Variants in GDAP2 observed in about 807,000 individuals in gnomAD.
The protein encoded by GDAP2 is ganglioside-induced differentiation-associated protein 2.
In GDAP2, 51 loss-of-function variants were observed where a neutral mutation model predicts 67.0. The ratio of observed to expected loss-of-function variants is 0.76; its 90% CI spans 0.61 to 0.96. GDAP2 has a LOEUF of 0.96. GDAP2 is among the 40% of genes least tolerant of loss of function. The pLI is 0.00. For synonymous variants in GDAP2, 203 were observed against 207.3 expected, an observed-to-expected ratio of 0.98 and a Z score of 0.18; for missense variants, 547 against 588.3, an observed-to-expected ratio of 0.93 and a Z score of 0.73.
In GDAP2 at chr1:117,867,316, CATCT is replaced by C. The variant is rs1358465152; in HGVS notation, c.*3249_*3252del. On this transcript the variant is annotated 3_prime_UTR_variant, in exon 14 of 14. Transcript: ENST00000369443. ...TTTCAGAAATTTGATTAAAAAACTA[CATCT>C]ATTTTTCCTACCAAAAATACTCAAA... The C allele has an allele frequency of 6.6e-6, 1 of 152,024 alleles. No homozygotes were observed. The highest frequency in any genetic ancestry group is 1.5e-5 in the Non-Finnish European group (1 of 68,004). The allele number at this position is 152,024 out of a possible 1,614,324, so 9.4% of individuals were successfully genotyped here.
intron 13 of GDAP2, among the ~76,000 whole-genome samples, chr1:117,871,242 G>C (rs960394039): frequency 6.6e-5 from 10 of 152,164 alleles, no homozygotes; most frequent in African/African-American, 2.4e-4. Context: ...GATCAAGATG[G>C]AGAATTAAAT....
chr1:117,914,237 G>C (rs1045032855), intron 3 of GDAP2, among the ~76,000 whole-genome samples: 7 of 152,036 alleles, frequency 4.6e-5, no homozygotes, highest in African/African-American at 1.7e-4. Context: ...TCAAGAAATA[G>C]ACAACACAGG....
chr1:117,926,742 G>A (rs1650458365), intron 1 of GDAP2, among the ~76,000 whole-genome samples: 1 of 152,112 alleles, frequency 6.6e-6, no homozygotes, highest in South Asian at 2.1e-4. Context: ...GAAAGATACA[G>A]ATCCTTTCAC....
In GDAP2 at chr1:117,912,700, C is replaced by T. The variant is rs776198241; in HGVS notation, c.317-17G>A. The T allele has an allele frequency of 1.2e-6, 2 of 1,607,636 alleles. No individual in the cohort carries two copies. The highest frequency in any genetic ancestry group is 1.7e-6 in the Non-Finnish European group (2 of 1,175,008). ...TTCGGCACCCTGAAAACAATGGAAA[C>T]ACACATAAGTTTGGATGTGTTAGGA... On this transcript the variant is annotated splice_polypyrimidine_tract_variant and intron_variant, in intron 3 of 13. Transcript: ENST00000369443.
intron 8 of GDAP2, among the ~76,000 whole-genome samples, chr1:117,891,154 A>T (rs1649068646): frequency 6.7e-6 from 1 of 149,154 alleles, no homozygotes; most frequent in African/African-American, 2.5e-5. Flanking sequence ...CATACTAGAT[A>T]AAAACTATAG....
Position 117,865,471 on chromosome 1 carries a change from G to A in GDAP2, c.*5098C>T, listed in dbSNP as rs547851192. 22 of 151,994 alleles carry A rather than the reference G, an allele frequency of 1.4e-4. No individual in the cohort carries two copies. Among genetic ancestry groups the A allele is most frequent in the African/African-American group, 4.8e-4 (20 of 41,458 alleles). The allele number at this position is 151,994 out of a possible 1,614,324, so 9.4% of individuals were successfully genotyped here. ...ATTTAAGCATTTTTAGGTTTCCTTC[G>A]CCCAATACCAATTAAAATCATTTAT... On this transcript the variant is annotated 3_prime_UTR_variant, in exon 14 of 14. Coordinates refer to ENST00000369443, the MANE Select transcript of GDAP2 (RefSeq NM_017686.4).
intron 6 of GDAP2, among the ~76,000 whole-genome samples, chr1:117,900,749 G>A (rs1381384141): frequency 6.8e-6 from 1 of 147,398 alleles, no homozygotes; most frequent in Admixed American, 6.8e-5. Context: ...TGGTGACAGA[G>A]TGAGACTCCA....
At position 117,912,645 on chromosome 1, in the gene GDAP2, T is replaced by C. The variant is rs1422824780; in HGVS notation, c.355A>G (p.Asn119Asp). ...TGAATGATGAACCGGGCAGCTAGAT[T>C]GAATCCTTTTGTCAATTTTGCTTCA... ...TGEAKLTKGF[N>D]LAARFIIHTV... Residue 119 changes from asparagine (N) to aspartate (D), a missense_variant, in exon 4 of 14, where the codon AAT (asparagine) becomes GAT (aspartate). Physicochemically the swap from Asn to Asp is conservative, Grantham distance 23. Coordinates refer to ENST00000369443, the MANE Select transcript of GDAP2 (RefSeq NM_017686.4). 6.2e-7 allele frequency: 1 copy of C among 1,613,594 alleles called. No individual in the cohort carries two copies. The highest frequency in any genetic ancestry group is 8.5e-7 in the Non-Finnish European group (1 of 1,179,670).
At chr1:117,899,823 T>C (rs1269997793) in intron 6 of GDAP2, among the ~76,000 whole-genome samples, 2 of 152,022 alleles carry the variant, frequency 1.3e-5, no homozygotes. Context: ...CATTTTGCAT[T>C]TTCATCTTCC....
At chr1:117,871,748 C>G (rs1196326739) in intron 13 of GDAP2, among the ~76,000 whole-genome samples, 2 of 151,352 alleles carry the variant, frequency 1.3e-5, no homozygotes, top group Non-Finnish European at 2.9e-5. Context: ...ATGTATCAAA[C>G]AAAATAAAAA....
intron 4 of GDAP2, 117 bp from the exon 5 acceptor site, chr1:117,912,199 TCTA>T: frequency 1.5e-6 from 1 of 685,750 alleles, no homozygotes; most frequent in Non-Finnish European, 2.6e-6. Context: ...CTTCAACAAA[TCTA>T]CTATAATAGC....
chr1:117,924,958 CA>C (rs1356338127), intron 1 of GDAP2, among the ~76,000 whole-genome samples: 1 of 151,964 alleles, frequency 6.6e-6, no homozygotes, highest in African/African-American at 2.4e-5. Flanking sequence ...TTCATAATTT[CA>C]AAAAATTACC....
chr1:117,870,536 C>G lies in GDAP2; in HGVS notation c.*33G>C. On this transcript the variant is annotated 3_prime_UTR_variant, in exon 14 of 14. Transcript: ENST00000369443. ...TAGCTATTCGTGGAGGAAGTGGCAT[C>G]CTGGGAACCAAGAAGCACTGAAAGA... is the stretch of plus-strand genomic sequence containing the variant. 7.0e-7 allele frequency: 1 copy of G among 1,425,054 alleles called. No homozygotes were observed. The highest frequency in any genetic ancestry group is 9.9e-7 in the Non-Finnish European group (1 of 1,007,486). 88.3% of individuals were successfully genotyped at this position (1,425,054 alleles called of 1,614,324 possible). A position where few individuals can be genotyped will look rare whatever the true frequency, so the allele number is the denominator to read the frequency against.
chr1:117,878,327 T>A (rs1302370257), intron 12 of GDAP2, among the ~76,000 whole-genome samples, 175 bp from the exon 13 acceptor site: 2 of 152,192 alleles, frequency 1.3e-5, no homozygotes, highest in Admixed American at 1.3e-4. Context: ...ATTAATAACA[T>A]TAAAAAGAAG....
intron 13 of GDAP2, among the ~76,000 whole-genome samples, chr1:117,871,797 T>C (rs1003181419): frequency 1.3e-5 from 2 of 152,116 alleles, no homozygotes; most frequent in African/African-American, 4.8e-5. Flanking sequence ...GCTACATTTC[T>C]AAAAACTTGA....
chr1:117,922,859 T>C (rs1477575344), intron 1 of GDAP2, among the ~76,000 whole-genome samples: 2 of 152,184 alleles, frequency 1.3e-5, no homozygotes, highest in Non-Finnish European at 2.9e-5. Flanking sequence ...GGCTGGAATT[T>C]CCTAATCCTA....
intron 12 of GDAP2, among the ~76,000 whole-genome samples, chr1:117,879,070 C>T (rs1648563750): frequency 1.3e-5 from 2 of 152,100 alleles, no homozygotes; most frequent in Non-Finnish European, 2.9e-5. Context: ...GTTCTTGGAG[C>T]AGTGCAATAT....
At chr1:117,919,243 A>T (rs1309789158) in intron 2 of GDAP2, among the ~76,000 whole-genome samples, 1 of 151,964 alleles carries the variant, frequency 6.6e-6, no homozygotes, top group Non-Finnish European at 1.5e-5. Context: ...GCATGGTGGC[A>T]GGCACCTGTA....
intron 8 of GDAP2, among the ~76,000 whole-genome samples, chr1:117,888,976 AGT>A (rs1648964533): frequency 6.6e-6 from 1 of 152,160 alleles, no homozygotes; most frequent in Non-Finnish European, 1.5e-5. Flanking sequence ...TAAAAAACAC[AGT>A]GTTACTGCAT....
Sources: gnomAD v4.1 joint callset for allele counts (sites outside exome capture counted in the v4.1 genomes callset) on GRCh38, gnomAD v4.1.1 for gene constraint, MANE v1.5 for transcripts, NCBI Gene and HGNC (gene_info 2026-07-23, HGNC 2026-07-21) for gene names.